DORIP1: variants seen among roughly 807,000 people sequenced by gnomAD.
DORIP1 encodes dopamine receptor-interacting protein 1.
At chr14:44,903,417 A>C in the DORIP1 span, 76 of 1,462,356 alleles carry the variant, frequency 5.2e-5, no homozygotes, top group Middle Eastern at 3.8e-4. Context: ...GACATTTTAC[A>C]GTGTTTTTGT....
chr14:44,898,813 A>G, the DORIP1 span: 1 of 152,192 alleles, frequency 6.6e-6, no homozygotes, highest in Non-Finnish European at 1.5e-5. Flanking sequence ...CTTCAAACTG[A>G]AAACACTGTG....
chr14:44,904,044 G>C, the DORIP1 span: 5 of 984,864 alleles, frequency 5.1e-6, no homozygotes, highest in South Asian at 2.4e-4. Flanking sequence ...GAAGCAATTA[G>C]AGTCATATTT....
chr14:44,904,397 G>A, the DORIP1 span: 1 of 1,610,312 alleles, frequency 6.2e-7, no homozygotes, highest in African/African-American at 1.3e-5. Context: ...TATTTTAGGT[G>A]TGGTGGCTTA....
chr14:44,904,271 T>C, the DORIP1 span: 1 of 1,449,410 alleles, frequency 6.9e-7, no homozygotes. Context: ...CTATAGGTAT[T>C]AACCATTACC....
chr14:44,904,428 T>C, the DORIP1 span: 1 of 1,611,048 alleles, frequency 6.2e-7, no homozygotes, highest in Non-Finnish European at 8.5e-7. Context: ...CCCAACGAAT[T>C]TTCTGCCATG....
the DORIP1 span, chr14:44,904,921 C>G: frequency 5.8e-6 from 1 of 172,758 alleles, no homozygotes; most frequent in Middle Eastern, 2.9e-3. Context: ...ACACATAATA[C>G]TGGATAGTAT....
At chr14:44,907,057 C>T in the DORIP1 span, 1 of 152,506 alleles carries the variant, frequency 6.6e-6, no homozygotes, top group East Asian at 1.9e-4. Context: ...TTACAGTAAA[C>T]ATAAATGGTG....
the DORIP1 span, chr14:44,904,786 G>T: frequency 3.2e-6 from 1 of 309,484 alleles, no homozygotes; most frequent in Non-Finnish European, 5.8e-6. Context: ...GTTAACCTTG[G>T]GCCAACAACT....
At chr14:44,899,660 C>T in the DORIP1 span, among the ~76,000 whole-genome samples, 1 of 151,380 alleles carries the variant, frequency 6.6e-6, no homozygotes, top group Non-Finnish European at 1.5e-5. Context: ...TTATTCTGTA[C>T]CCCCAATTAA....
the DORIP1 span, chr14:44,898,991 G>A: frequency 2.6e-5 from 4 of 152,182 alleles, no homozygotes; most frequent in Non-Finnish European, 4.4e-5. Context: ...GTCAAAATAA[G>A]ACACTGATCT....
chr14:44,900,328 C>T, the DORIP1 span: 10 of 1,093,732 alleles, frequency 9.1e-6, no homozygotes, highest in African/African-American at 6.6e-5. Flanking sequence ...CTAATAACCA[C>T]ATTTGATTTG....
chr14:44,898,635 GTATC>G, the DORIP1 span, among the ~76,000 whole-genome samples: 2 of 152,124 alleles, frequency 1.3e-5, no homozygotes, highest in East Asian at 3.9e-4. Flanking sequence ...AAACGAATCA[GTATC>G]TATTACGAAG....
the DORIP1 span, chr14:44,906,653 T>C: frequency 6.6e-6 from 1 of 152,594 alleles, no homozygotes; most frequent in African/African-American, 2.4e-5. Context: ...CAAGGGAAAA[T>C]ACTTTTTGAA....
At chr14:44,904,504 T>G in the DORIP1 span, 22 of 1,606,608 alleles carry the variant, frequency 1.4e-5, no homozygotes, top group African/African-American at 2.7e-5. Context: ...GTATGTACCC[T>G]ATTACTTGGA....
the DORIP1 span, chr14:44,903,838 A>G: frequency 3.0e-6 from 3 of 984,930 alleles, no homozygotes; most frequent in East Asian, 2.3e-4. Flanking sequence ...AGCAACAAAT[A>G]CTGAAACAGA....
chr14:44,902,250 T>G, the DORIP1 span, among the ~76,000 whole-genome samples: 1 of 152,206 alleles, frequency 6.6e-6, no homozygotes, highest in Non-Finnish European at 1.5e-5. Flanking sequence ...GTGATCCTCC[T>G]GCCTCATGGC....
the DORIP1 span, chr14:44,903,065 C>T: frequency 1.4e-5 from 8 of 556,580 alleles, no homozygotes; most frequent in African/African-American, 1.5e-4. Flanking sequence ...ATACTATCTG[C>T]AAGAAATTCT....
At chr14:44,904,567 A>G in the DORIP1 span, 1 of 1,527,732 alleles carries the variant, frequency 6.5e-7, no homozygotes, top group East Asian at 2.3e-5. Flanking sequence ...TAAAACTAAT[A>G]AAAAAAATTT....
the DORIP1 span, chr14:44,903,960 G>A: frequency 1.0e-6 from 1 of 975,426 alleles, no homozygotes; most frequent in South Asian, 4.7e-5. Context: ...GTTATATTCT[G>A]ATCCATATAC....
Sources: allele counts gnomAD v4.1 joint callset (sites outside exome capture counted in the v4.1 genomes callset), GRCh38; gene constraint gnomAD v4.1.1; transcripts MANE v1.5; gene names NCBI Gene and HGNC (gene_info 2026-07-23, HGNC 2026-07-21).